Variants in ZNF362 observed in about 807,000 individuals in gnomAD.
ZNF362 encodes the protein rotund homolog.
ZNF362 carries 11 observed loss-of-function variants against 42.9 expected under a neutral mutation model. The observed-to-expected ratio is 0.26, with a 90% CI of 0.16 to 0.42. ZNF362 has a LOEUF of 0.42. Ranked by LOEUF, ZNF362 falls within the 20% of genes least tolerant of loss-of-function variation. The pLI is 1.00. For synonymous variants in ZNF362, 255 were observed against 257.3 expected (o/e 0.99, Z 0.09); for missense variants, 362 against 576.2 (o/e 0.63, Z 3.81).
intron 1 of ZNF362, among the ~76,000 whole-genome samples, chr1:33,257,806 G>A (rs577106952): frequency 6.6e-6 from 1 of 152,312 alleles, no homozygotes; most frequent in East Asian, 1.9e-4. Context: ...AGCTGTGTGT[G>A]TGGCAGTGGG....
chr1:33,254,437 C>T (rs1014498736), upstream of ZNF362, among the ~76,000 whole-genome samples: 2 of 152,104 alleles, frequency 1.3e-5, no homozygotes, highest in Admixed American at 1.3e-4. Context: ...TTAGGCTCCT[C>T]TCTGGCTGTG....
At chr1:33,219,116 A>AATC in the ZNF362 span, among the ~76,000 whole-genome samples, 1 of 152,168 alleles carries the variant, frequency 6.6e-6, no homozygotes, top group Non-Finnish European at 1.5e-5. Flanking sequence ...CATTGAAGAG[A>AATC]ATCAGGCTCT....
At chr1:33,275,961 C>T in intron 2 of ZNF362, 139 bp from the exon 3 acceptor site, 1 of 858,830 alleles carries the variant, frequency 1.2e-6, no homozygotes, top group Non-Finnish European at 1.9e-6. Context: ...GGGAGGCCTG[C>T]TGTGCTGTGA....
At chr1:33,227,439 A>G in the ZNF362 span, among the ~76,000 whole-genome samples, 1 of 152,162 alleles carries the variant, frequency 6.6e-6, no homozygotes, top group African/African-American at 2.4e-5. Flanking sequence ...GCCATGCTAT[A>G]AGAAGCCCAA....
At chr1:33,197,685 G>T in the ZNF362 span, among the ~76,000 whole-genome samples, 2 of 152,128 alleles carry the variant, frequency 1.3e-5, no homozygotes, top group Non-Finnish European at 2.9e-5. Context: ...AACCCTGGAG[G>T]TCTTTCTGAG....
Position 33,280,537 on chromosome 1 carries a change from G to T in ZNF362, c.683+80G>T, listed in dbSNP as rs1054696635. ...AGGGCTGCTCCAGGAGCCCAGCAGCGGGGCTGAAACAGGACCCTTAGGGCT... is the reference window on the plus strand; with the variant it reads ...AGGGCTGCTCCAGGAGCCCAGCAGCTGGGCTGAAACAGGACCCTTAGGGCT... On this transcript the variant is annotated intron_variant, in intron 5 of 8. Transcript: ENST00000539719. The surrounding 1 kb of genome is among the most constrained non-coding windows in gnomAD (Gnocchi z 5.6). 8.2e-6 allele frequency: 12 copies of T among 1,470,178 alleles called. No individual in the cohort carries two copies. Among genetic ancestry groups the T allele is most frequent in the Non-Finnish European group, 1.1e-5 (12 of 1,105,466 alleles). The allele number at this position is 1,470,178 out of a possible 1,614,324, so 91.1% of individuals were successfully genotyped here.
the ZNF362 span, among the ~76,000 whole-genome samples, chr1:33,149,315 G>T: frequency 1.3e-5 from 2 of 152,236 alleles, no homozygotes; most frequent in East Asian, 3.9e-4. Context: ...ACCACGCCTG[G>T]CTAATTTTTT....
chr1:33,147,255 G>A, the ZNF362 span: 4 of 1,614,098 alleles, frequency 2.5e-6, no homozygotes, highest in Non-Finnish European at 3.4e-6. The surrounding 1 kb of genome is among the most constrained non-coding windows in gnomAD (Gnocchi z 8.1). Flanking sequence ...TGAAGTAAGA[G>A]CAGAGCTTGC....
rs1037186443 is a variant in ZNF362, at chr1:33,280,730, TTCC to T, written c.683+280_683+282del. 3.3e-5 allele frequency among the ~76,000 whole-genome samples: 5 copies of T among 152,106 alleles called. No homozygotes were observed. The highest frequency in any genetic ancestry group is 1.2e-4 in the African/African-American group (5 of 41,416). On this transcript the variant is annotated intron_variant, in intron 5 of 8. Coordinates refer to ENST00000539719, the MANE Select transcript of ZNF362 (RefSeq NM_152493.3). The surrounding 1 kb of genome is among the most constrained non-coding windows in gnomAD (Gnocchi z 5.6). ...ACAGCCTGGGGTTGTGAGAGTCGGT[TTCC>T]TCCTCCCTTTAAGCAGTGTTCTCAA...
chr1:33,147,504 C>A, the ZNF362 span: 1 of 1,613,332 alleles, frequency 6.2e-7, no homozygotes, highest in African/African-American at 1.3e-5. This position sits in a 1 kb window ranked among gnomAD's most constrained non-coding sequence, Gnocchi z 8.1. Context: ...CTTCGTGTGC[C>A]AGCCCGATCA....
At chr1:33,159,781 C>T in the ZNF362 span, 74 of 1,613,736 alleles carry the variant, frequency 4.6e-5, no homozygotes, top group Non-Finnish European at 6.0e-5. This position sits in a 1 kb window ranked among gnomAD's most constrained non-coding sequence, Gnocchi z 4.2. Context: ...CTGGACCTTG[C>T]GCAGCTGCTG....
chr1:33,258,074 G>A (rs1424780633), intron 1 of ZNF362, among the ~76,000 whole-genome samples: 1 of 152,218 alleles, frequency 6.6e-6, no homozygotes, highest in African/African-American at 2.4e-5. Context: ...GGGCAGGAAA[G>A]GTAGTCTGGT....
At chr1:33,141,232 C>T in the ZNF362 span, among the ~76,000 whole-genome samples, 3 of 151,948 alleles carry the variant, frequency 2.0e-5, no homozygotes. Context: ...CCCCCGCAGA[C>T]CTTCTTAGAT....
At chr1:33,292,137 T>A (rs1646083070) in intron 6 of ZNF362, among the ~76,000 whole-genome samples, 1 of 152,214 alleles carries the variant, frequency 6.6e-6, no homozygotes, top group South Asian at 2.1e-4. Context: ...GGCATCCCTG[T>A]CTTGTGCCAG....
chr1:33,247,510 A>T, the ZNF362 span, among the ~76,000 whole-genome samples: 37,409 of 152,148 alleles, frequency 0.25, 4,582 homozygotes, highest in East Asian at 0.3. Flanking sequence ...TTTCCCCATC[A>T]TGTCCCTATG....
intron 2 of ZNF362, among the ~76,000 whole-genome samples, chr1:33,274,584 A>G (rs1211208867): frequency 6.6e-6 from 1 of 152,208 alleles, no homozygotes; most frequent in Admixed American, 6.5e-5. Context: ...GATAGAGGGC[A>G]GGAGCTGCCC....
chr1:33,219,307 G>T, the ZNF362 span, among the ~76,000 whole-genome samples: 5 of 152,214 alleles, frequency 3.3e-5, no homozygotes, highest in Non-Finnish European at 7.3e-5. Flanking sequence ...TGAGCCCACA[G>T]TGGGCCTGCC....
chr1:33,292,919 CAT>C (rs1052663130), intron 6 of ZNF362, among the ~76,000 whole-genome samples: 3 of 152,212 alleles, frequency 2.0e-5, no homozygotes, highest in Admixed American at 6.5e-5. Context: ...GATCCTGAAA[CAT>C]GTGACATCCA....
intron 1 of ZNF362, among the ~76,000 whole-genome samples, chr1:33,267,210 A>C (rs1418544865): frequency 6.6e-6 from 1 of 152,192 alleles, no homozygotes; most frequent in Non-Finnish European, 1.5e-5. Flanking sequence ...TTTATTAAAA[A>C]TATTCCCTTA....
Sources: gnomAD v4.1 joint callset for allele counts (sites outside exome capture counted in the v4.1 genomes callset) on GRCh38, gnomAD v4.1.1 for gene constraint, Gnocchi (gnomAD v3.1) non-coding constraint, MANE v1.5 for transcripts, NCBI Gene and HGNC (gene_info 2026-07-23, HGNC 2026-07-21) for gene names.